The following COL12A1 variants were observed in gnomAD, a reference collection of about 807,000 sequenced individuals.
The protein encoded by COL12A1 is collagen alpha-1(XII) chain.
In COL12A1, 114 loss-of-function variants were observed where a neutral mutation model predicts 349.7. The observed-to-expected ratio is 0.33, with a 90% confidence interval of 0.28 to 0.38. The LOEUF is 0.38. Ranked by LOEUF, COL12A1 falls within the 10% of genes least tolerant of loss-of-function variation. COL12A1 has a pLI of 1.00. For synonymous variants in COL12A1, 1,369 were observed against 1,329.0 expected (o/e 1.03, Z -0.66); for missense variants, 3,284 against 3,756.9 (o/e 0.87, Z 3.29).
chr6:75,160,723 C>T (rs73462101), intron 14 of COL12A1, among the ~76,000 whole-genome samples: 10 of 152,272 alleles, frequency 6.6e-5, no homozygotes, highest in African/African-American at 2.4e-4. Context: ...TAAACCTATG[C>T]ATATCCTCCC....
Position 75,134,005 on chromosome 6 carries a change from G to A in COL12A1, c.5525-8C>T, listed in dbSNP as rs1766446591. On this transcript the variant is annotated splice_region_variant and splice_polypyrimidine_tract_variant and intron_variant, in intron 32 of 65. Transcript: ENST00000322507. ...TTACAGTGTTTAGAGGTTCTGAAAT[G>A]CACAGAAATCCCATCACAGTATAAT... 6.2e-7 allele frequency: 1 copy of A among 1,611,258 alleles called. No homozygotes were observed. Among genetic ancestry groups the A allele is most frequent in the African/African-American group, 1.3e-5 (1 of 74,956 alleles).
At position 75,183,573 on chromosome 6, in the gene COL12A1, A is replaced by G. The variant is rs1307343518; in HGVS notation, c.1368T>C (p.Phe456=). 6.2e-7 allele frequency: 1 copy of G among 1,614,140 alleles called. No homozygotes were observed. ...CTTCCAAAAAGGCTCTAACTTTAAC[A>G]AAGTTTGCAATCCCAATGCTATAGG... The part of the protein sequence containing the change: ...DGSYSIGIAN[F]VKVRAFLEVL... Residue 456 remains phenylalanine, a synonymous_variant, in exon 10 of 66, where the codon TTT becomes TTC. Coordinates refer to ENST00000322507, the MANE Select transcript of COL12A1 (RefSeq NM_004370.6).
Position 75,087,645 on chromosome 6 carries a change from G to A in COL12A1, c.9113C>T (p.Pro3038Leu). 1 of 1,611,876 alleles carries A rather than the reference G, an allele frequency of 6.2e-7. No homozygotes were observed. Among genetic ancestry groups the A allele is most frequent in the African/African-American group, 1.3e-5 (1 of 74,900 alleles). ...AGAATCACAGTATCCAGGAGGACCTGGGGGTCCTCGGATACCTGAGTTTCC... is the reference window on the plus strand; with the variant it reads ...AGAATCACAGTATCCAGGAGGACCTAGGGGTCCTCGGATACCTGAGTTTCC... The part of the protein sequence containing the change: ...RPGNSGIRGP[P>L]GPPGYCDSSQ... Residue 3038 changes from proline (P) to leucine (L), a missense_variant, in exon 65 of 66, where the codon CCA becomes CTA. Pro to Leu is a moderately conservative substitution (Grantham distance 98). Around this residue, in one of 2 missense-constraint regions of COL12A1, gnomAD observed 683 missense variants for 932.1 expected, o/e 0.73. Transcript: ENST00000322507.
At chr6:75,166,232 A>G (rs955865892) in intron 13 of COL12A1, among the ~76,000 whole-genome samples, 21 of 152,182 alleles carry the variant, frequency 1.4e-4, no homozygotes, top group African/African-American at 5.1e-4. Context: ...CTCAGTTTCA[A>G]TGCATGATTT....
rs939786290 is a variant in COL12A1, at chr6:75,101,660, A to G, written c.8470-7T>C. ...CAGGTAATCCTGGGGTTCCCTGCAC[A>G]GAAGGAAACAAACAAGTGAAACATT... On this transcript the variant is annotated splice_polypyrimidine_tract_variant and splice_region_variant and intron_variant, in intron 57 of 65. Transcript: ENST00000322507. 1.2e-6 allele frequency: 2 copies of G among 1,612,830 alleles called. No homozygotes were observed. The highest frequency in any genetic ancestry group is 1.7e-6 in the Non-Finnish European group (2 of 1,179,516).
intron 3 of COL12A1, among the ~76,000 whole-genome samples, chr6:75,193,373 T>G (rs1407040246): frequency 6.6e-6 from 1 of 152,196 alleles, no homozygotes; most frequent in Non-Finnish European, 1.5e-5. Flanking sequence ...TTTTTAAGTT[T>G]TTAAATCATC....
chr6:75,177,074 A>G (rs138677934), intron 12 of COL12A1, among the ~76,000 whole-genome samples: 1,977 of 152,310 alleles, frequency 0.013, 39 homozygotes, highest in African/African-American at 0.045. Flanking sequence ...TCATCCTTCA[A>G]TTCACACTAA....
At position 75,143,244 on chromosome 6, in the gene COL12A1, CA is replaced by C. The variant is rs1285422602; in HGVS notation, c.4827+7del. 1 of 1,613,568 alleles carries C rather than the reference CA, an allele frequency of 6.2e-7. No individual in the cohort carries two copies. The highest frequency in any genetic ancestry group is 2.2e-5 in the East Asian group (1 of 44,838). On this transcript the variant is annotated splice_region_variant and intron_variant, in intron 26 of 65. Coordinates refer to ENST00000322507, the MANE Select transcript of COL12A1 (RefSeq NM_004370.6). ...ATATTTTCATATCTACTATCATCTT[CA>C]ACCTACCTCTTTGACATCCTCTTCT... is the stretch of plus-strand genomic sequence containing the variant.
At chr6:75,146,323 A>G in intron 23 of COL12A1, 79 bp from the exon 24 acceptor site, 1 of 1,425,346 alleles carries the variant, frequency 7.0e-7, no homozygotes, top group Non-Finnish European at 9.3e-7. Context: ...GTACTCAATT[A>G]TTGATATTTG....
At chr6:75,177,309 C>T (rs144378746) in intron 12 of COL12A1, among the ~76,000 whole-genome samples, 10 of 152,012 alleles carry the variant, frequency 6.6e-5, no homozygotes, top group East Asian at 1.9e-4. Context: ...TAGTTGCACG[C>T]GCCTGTAATC....
Position 75,133,973 on chromosome 6 carries a change from AG to A in COL12A1, c.5548del (p.Leu1850Ter). 1 of 1,613,930 alleles carries A rather than the reference AG, an allele frequency of 6.2e-7. No individual in the cohort carries two copies. Among genetic ancestry groups the A allele is most frequent in the Non-Finnish European group, 8.5e-7 (1 of 1,179,926 alleles). On this transcript the variant is annotated frameshift_variant, in exon 33 of 66. Transcript: ENST00000322507. LOFTEE classifies it high-confidence loss of function. ...KTKPLNTVRNLRVYDPSTSTL... is the reference protein window; with the variant it reads ...KTKPLNTVRNXRVYDPSTSTL... ...GCTGGTAGAAGGGTCATACACTCTC[AG>A]GTTCCTTACAGTGTTTAGAGGTTCT...
chr6:75,138,959 G>A lies in COL12A1; in HGVS notation c.4960C>T (p.Pro1654Ser), dbSNP rs1481692599. 3.7e-6 allele frequency: 6 copies of A among 1,613,482 alleles called. No homozygotes were observed. Among genetic ancestry groups the A allele is most frequent in the Non-Finnish European group, 4.2e-6 (5 of 1,179,800 alleles). The change falls in exon 28 of 66, where the codon CCC becomes TCC. Residue 1654 changes from proline (P) to serine (S), a missense_variant and splice_region_variant. By Grantham distance (74) the Pro-to-Ser change is moderately conservative (BLOSUM62 -1). Around this residue, in one of 2 missense-constraint regions of COL12A1, gnomAD observed 2,601 missense variants for 2,824.8 expected, o/e 0.92. Coordinates refer to ENST00000322507, the MANE Select transcript of COL12A1 (RefSeq NM_004370.6). The part of the protein sequence containing the change: ...PPVTAQETTR[P>S]VPAPTNLKIT... Reference sequence around the variant, plus strand: ...TTTAAGTTTGTTGGGGCTGGCACGGGTCCTATCATGAGAAAAGGCAAGCAG... The same window carrying A: ...TTTAAGTTTGTTGGGGCTGGCACGGATCCTATCATGAGAAAAGGCAAGCAG...
rs567716939 is a variant in COL12A1, at chr6:75,091,396, G to A, written c.8686-7C>T. The A allele has an allele frequency of 6.2e-7, 1 of 1,613,480 alleles. No individual in the cohort carries two copies. The highest frequency in any genetic ancestry group is 2.2e-5 in the East Asian group (1 of 44,814). The stretch of plus-strand genomic sequence containing the variant: ...TCTGGGAAGCAATGTCTCCCTTGTT[G>A]AATTAATGAGAATGATTAGCATATT... On this transcript the variant is annotated splice_polypyrimidine_tract_variant and splice_region_variant and intron_variant, in intron 61 of 65. Coordinates refer to ENST00000322507, the MANE Select transcript of COL12A1 (RefSeq NM_004370.6).
At chr6:75,131,783 C>T (rs1766310374) in intron 35 of COL12A1, among the ~76,000 whole-genome samples, 157 bp downstream of exon 35, 2 of 152,148 alleles carry the variant, frequency 1.3e-5, no homozygotes, top group African/African-American at 2.4e-5. Context: ...CTTACTAACC[C>T]TATAATTAAT....
chr6:75,139,519 C>T (rs1376487239), intron 27 of COL12A1, among the ~76,000 whole-genome samples: 3 of 152,062 alleles, frequency 2.0e-5, no homozygotes, highest in Non-Finnish European at 4.4e-5. Context: ...ACACACATAC[C>T]ACTGCAGTTT....
intron 5 of COL12A1, among the ~76,000 whole-genome samples, chr6:75,191,101 G>T (rs1370341255): frequency 2.0e-5 from 3 of 151,814 alleles, no homozygotes; most frequent in Non-Finnish European, 4.4e-5. Context: ...GCTAATAACT[G>T]CAAGATCTAG....
rs1424010902 is a variant in COL12A1 at position 75,189,576 on chromosome 6, A to G, written c.634T>C (p.Tyr212His). ...ELLAAIKKIP[Y>H]KGGNTMTGDA... is the part of the protein sequence containing the mutation. ...CCTGTCATTGTGTTGCCACCTTTAT[A>G]TGGAATTTTTTTTATTGCAGCAAGA... The change falls in exon 6 of 66, where the codon TAT becomes CAT. Residue 212 changes from tyrosine to histidine, a missense_variant. Tyr to His is a moderately conservative substitution (Grantham distance 83, BLOSUM62 2). Transcript: ENST00000322507. The G allele has an allele frequency of 6.2e-7, 1 of 1,612,926 alleles. No homozygotes were observed. The highest frequency in any genetic ancestry group is 1.3e-5 in the African/African-American group (1 of 74,996).
At position 75,084,861 on chromosome 6, in the gene COL12A1, G is replaced by C. The variant is rs1395051261; in HGVS notation, c.*1686C>G. ...CCGCTCGAAATACACAGCAGCTCTG[G>C]GTTCCAGGACTTAACTGCTTAACCT... On this transcript the variant is annotated 3_prime_UTR_variant, in exon 66 of 66. Transcript: ENST00000322507. 1 of 162,938 alleles carries C rather than the reference G, an allele frequency of 6.1e-6. No homozygotes were observed. The highest frequency in any genetic ancestry group is 1.4e-5 in the Non-Finnish European group (1 of 73,942). 10.1% of individuals were successfully genotyped at this position (162,938 alleles called of 1,614,324 possible).
chr6:75,091,392 TG>T lies in COL12A1; in HGVS notation c.8686-4del. On this transcript the variant is annotated splice_region_variant and splice_polypyrimidine_tract_variant and intron_variant, in intron 61 of 65. Transcript: ENST00000322507. The stretch of plus-strand genomic sequence containing the variant: ...ATGTTCTGGGAAGCAATGTCTCCCT[TG>T]TTGAATTAATGAGAATGATTAGCAT... The T allele has an allele frequency of 1.2e-6, 2 of 1,613,764 alleles. No homozygotes were observed. Among genetic ancestry groups the T allele is most frequent in the South Asian group, 1.1e-5 (1 of 91,070 alleles).
Sources: gnomAD v4.1 joint callset for allele counts (sites outside exome capture counted in the v4.1 genomes callset) on GRCh38, gnomAD v4.1.1 for gene constraint, gnomAD v4.1.1 regional missense constraint, MANE v1.5 for transcripts, NCBI Gene and HGNC (gene_info 2026-07-23, HGNC 2026-07-21) for gene names.